The following KCNMA1 variants were observed in gnomAD, a reference collection of about 807,000 sequenced individuals.
KCNMA1 encodes Calcium-activated potassium channel subunit alpha-1.
In KCNMA1, 29 loss-of-function variants were observed where a neutral mutation model predicts 140.0. The observed-to-expected ratio is 0.21, with a 90% CI of 0.15 to 0.28. The LOEUF is 0.28. KCNMA1 is among the 10% of genes least tolerant of loss of function. KCNMA1 has a pLI of 1.00. For synonymous variants in KCNMA1, 612 were observed against 611.9 expected, an observed-to-expected ratio of 1.00 and a Z score of 0.00; for missense variants, 880 against 1,602.2, an observed-to-expected ratio of 0.55 and a Z score of 7.70.
chr10:77,173,862 C>T (rs2098729983), intron 5 of KCNMA1, among the ~76,000 whole-genome samples: 1 of 152,046 alleles, frequency 6.6e-6, no homozygotes, highest in Non-Finnish European at 1.5e-5. Flanking sequence ...GAAGCAACTC[C>T]CTTGGGGGAG....
At chr10:77,135,017 AAAAAAAAAAAAGG>A (rs2097967530) in intron 5 of KCNMA1, among the ~76,000 whole-genome samples, 1 of 143,994 alleles carries the variant, frequency 6.9e-6, no homozygotes, top group Non-Finnish European at 1.5e-5. Context: ...AAAAAAAAAA[AAAAAAAAAAAAGG>A]AAGAAAGAAT....
At chr10:77,418,057 A>T (rs886651421) in intron 1 of KCNMA1, among the ~76,000 whole-genome samples, 2 of 152,194 alleles carry the variant, frequency 1.3e-5, no homozygotes, top group Admixed American at 6.5e-5. Context: ...CTGGGTTCCC[A>T]CACACCCTAG....
intron 2 of KCNMA1, among the ~76,000 whole-genome samples, chr10:77,374,252 C>G (rs747988298): frequency 1.3e-5 from 2 of 152,146 alleles, no homozygotes; most frequent in Non-Finnish European, 2.9e-5. Flanking sequence ...ACTCCAGCCT[C>G]CCTTCCCGAA....
At chr10:77,363,779 T>C (rs376048555) in intron 2 of KCNMA1, among the ~76,000 whole-genome samples, 40 of 152,298 alleles carry the variant, frequency 2.6e-4, no homozygotes, top group African/African-American at 8.9e-4. Flanking sequence ...AGTTAATTCC[T>C]GCTCCCTTTT....
intron 3 of KCNMA1, among the ~76,000 whole-genome samples, chr10:77,200,574 C>T (rs376184138): frequency 4.6e-5 from 7 of 151,892 alleles, no homozygotes; most frequent in South Asian, 4.2e-4. Context: ...TCTCCTACCA[C>T]GGCCCCCATG....
At chr10:77,251,328 CGA>C (rs1158434443) in intron 2 of KCNMA1, 72 bp from the exon 3 acceptor site, 33 of 1,190,126 alleles carry the variant, frequency 2.8e-5, no homozygotes, top group Non-Finnish European at 4.0e-5. Context: ...TGACACATAC[CGA>C]AGCAGCTTTG....
chr10:77,423,742 C>A (rs983158888), intron 1 of KCNMA1, among the ~76,000 whole-genome samples: 4 of 152,176 alleles, frequency 2.6e-5, no homozygotes, highest in African/African-American at 9.7e-5. Flanking sequence ...ATAGGGGGGA[C>A]AAAGCCACGC....
intron 3 of KCNMA1, among the ~76,000 whole-genome samples, chr10:77,186,136 A>G (rs1050817883): frequency 3.9e-5 from 6 of 152,128 alleles, no homozygotes; most frequent in Non-Finnish European, 7.3e-5. Flanking sequence ...TGTGCAGTAG[A>G]GGAACTCGGG....
Position 77,011,958 on chromosome 10 carries a change from A to G in KCNMA1, c.2092+9T>C, listed in dbSNP as rs759090342. ...AAAGGGAGGGGACAGGGAGAGAAAC[A>G]CTACTTACGCCGTTTGCAGCCACAT... On this transcript the variant is annotated intron_variant, in intron 18 of 27. Coordinates refer to ENST00000286628, the MANE Select transcript of KCNMA1 (RefSeq NM_001161352.2). 8 of 1,612,242 alleles carry G rather than the reference A, an allele frequency of 5.0e-6. No homozygotes were observed. In the Admixed American group the frequency reaches 1.2e-4, roughly 24 times the overall value.
At chr10:76,906,305 A>C (rs138007997) in intron 25 of KCNMA1, among the ~76,000 whole-genome samples, 5 of 152,322 alleles carry the variant, frequency 3.3e-5, no homozygotes, top group Middle Eastern at 6.8e-3. Context: ...TGTGTGCATC[A>C]AGATGGTATC....
intron 4 of KCNMA1, among the ~76,000 whole-genome samples, 159 bp from the exon 5 acceptor site, chr10:77,183,691 T>C (rs1396984556): frequency 6.6e-6 from 1 of 152,212 alleles, no homozygotes. Flanking sequence ...TTCACCATGT[T>C]GGCCAGGCTG....
At chr10:77,158,459 C>G (rs1166722489) in intron 5 of KCNMA1, among the ~76,000 whole-genome samples, 3 of 152,076 alleles carry the variant, frequency 2.0e-5, no homozygotes, top group Non-Finnish European at 4.4e-5. Flanking sequence ...CCTGATCACT[C>G]GGCCATGGGA....
chr10:77,615,681 G>A (rs1201283467), intron 1 of KCNMA1, among the ~76,000 whole-genome samples: 10 of 152,044 alleles, frequency 6.6e-5, no homozygotes, highest in Non-Finnish European at 1.3e-4. Flanking sequence ...TGGTATAGGG[G>A]TGTGCCGTGG....
At chr10:77,269,031 T>C (rs768537605) in intron 2 of KCNMA1, among the ~76,000 whole-genome samples, 9 of 152,162 alleles carry the variant, frequency 5.9e-5, no homozygotes, top group Non-Finnish European at 8.8e-5. Context: ...GCTTTCCCAC[T>C]GCACAAGGGC....
Position 76,886,955 on chromosome 10 carries a change from A to G in KCNMA1, c.*311T>C, listed in dbSNP as rs2037295636. On this transcript the variant is annotated 3_prime_UTR_variant, in exon 28 of 28. Coordinates refer to ENST00000286628, the MANE Select transcript of KCNMA1 (RefSeq NM_001161352.2). The stretch of plus-strand genomic sequence containing the variant: ...CTCTGCCTAACTGACGTTGATCACA[A>G]GTGCTCCCTTCTAATCTGTGAACTC... The G allele has an allele frequency of 8.2e-7, 1 of 1,222,416 alleles. No homozygotes were observed. Among genetic ancestry groups the G allele is most frequent in the African/African-American group, 1.6e-5 (1 of 64,198 alleles). The allele number at this position is 1,222,416 out of a possible 1,614,324, so 75.7% of individuals were successfully genotyped here. A position where few individuals can be genotyped will look rare whatever the true frequency, so the allele number is the denominator to read the frequency against.
At chr10:77,087,857 A>T (rs1469225593) in intron 10 of KCNMA1, among the ~76,000 whole-genome samples, 2 of 152,162 alleles carry the variant, frequency 1.3e-5, no homozygotes, top group Non-Finnish European at 2.9e-5. Flanking sequence ...CCATAATGAC[A>T]ATAATAATAA....
At chr10:77,317,381 C>G (rs2081162251) in intron 2 of KCNMA1, among the ~76,000 whole-genome samples, 1 of 152,132 alleles carries the variant, frequency 6.6e-6, no homozygotes, top group East Asian at 1.9e-4. Flanking sequence ...CATTGATATT[C>G]TTTTGTGGTT....
chr10:77,287,658 T>C (rs908467805), intron 2 of KCNMA1, among the ~76,000 whole-genome samples: 1 of 152,170 alleles, frequency 6.6e-6, no homozygotes, highest in Non-Finnish European at 1.5e-5. Flanking sequence ...CATGAGGATC[T>C]CCTGCAAAGA....
intron 3 of KCNMA1, among the ~76,000 whole-genome samples, chr10:77,223,923 T>C (rs2050488986): frequency 6.6e-6 from 1 of 152,108 alleles, no homozygotes; most frequent in African/African-American, 2.4e-5. Flanking sequence ...ACGAGAGAAG[T>C]TCCAGAACAG....
Sources: allele counts gnomAD v4.1 joint callset (sites outside exome capture counted in the v4.1 genomes callset), GRCh38; gene constraint gnomAD v4.1.1; transcripts MANE v1.5; gene names NCBI Gene and HGNC (gene_info 2026-07-23, HGNC 2026-07-21).